CNTN4: variants seen among roughly 807,000 people sequenced by gnomAD.
CNTN4 encodes the protein contactin 4.
Under a neutral mutation model 122.5 loss-of-function variants are expected in CNTN4, and 77 were observed. The observed-to-expected ratio is 0.63, with a 90% CI of 0.52 to 0.76. CNTN4 has a LOEUF of 0.76. Among genes scored for constraint, CNTN4 ranks in the 30% least tolerant of loss-of-function variants. The probability of loss-of-function intolerance (pLI) is 0.00; values close to 1 mark genes in which losing one functional copy is unlikely to be tolerated. For synonymous variants in CNTN4, 512 were observed against 447.0 expected (o/e 1.15, Z -1.83); for missense variants, 1,256 against 1,259.1 (o/e 1.00, Z 0.04).
intron 6 of CNTN4, among the ~76,000 whole-genome samples, chr3:2,801,780 T>C (rs2092354294): frequency 6.6e-6 from 1 of 152,140 alleles, no homozygotes; most frequent in Admixed American, 6.5e-5. Flanking sequence ...TGAAAGTGTT[T>C]TTTTATTCTG....
intron 3 of CNTN4, among the ~76,000 whole-genome samples, chr3:2,448,792 C>T (rs2048720588): frequency 6.6e-6 from 1 of 152,144 alleles, no homozygotes; most frequent in Non-Finnish European, 1.5e-5. Flanking sequence ...GGTGTCCTCA[C>T]CTGTTAACTG....
intron 4 of CNTN4, among the ~76,000 whole-genome samples, chr3:2,705,678 A>G (rs2086649939): frequency 1.1e-5 from 1 of 91,776 alleles, no homozygotes; most frequent in Non-Finnish European, 1.9e-5. Flanking sequence ...TATATATTGT[A>G]TATTATATAT....
intron 3 of CNTN4, among the ~76,000 whole-genome samples, chr3:2,427,363 T>G (rs1252490356): frequency 6.6e-6 from 1 of 152,208 alleles, no homozygotes; most frequent in Non-Finnish European, 1.5e-5. Context: ...TTGCTCAGTT[T>G]CCATGTAGTT....
intron 3 of CNTN4, among the ~76,000 whole-genome samples, chr3:2,392,476 C>T (rs1242960527): frequency 1.3e-5 from 2 of 152,110 alleles, no homozygotes; most frequent in Non-Finnish European, 2.9e-5. Context: ...TCAAGGAGAA[C>T]CTCTGTAGCC....
intron 6 of CNTN4, among the ~76,000 whole-genome samples, chr3:2,760,718 G>T (rs1275562306): frequency 6.6e-6 from 1 of 152,100 alleles, no homozygotes; most frequent in Non-Finnish European, 1.5e-5. Flanking sequence ...TACTGCCTTT[G>T]GATATGTAAT....
At chr3:2,734,192 C>G (rs573829959) in intron 4 of CNTN4, among the ~76,000 whole-genome samples, 1 of 152,226 alleles carries the variant, frequency 6.6e-6, no homozygotes, top group South Asian at 2.1e-4. Context: ...TCCTGAGTAG[C>G]TGGGACTAGA....
At chr3:2,519,146 T>C (rs2077125313) in intron 3 of CNTN4, among the ~76,000 whole-genome samples, 1 of 152,132 alleles carries the variant, frequency 6.6e-6, no homozygotes, top group Non-Finnish European at 1.5e-5. Context: ...GATGTGACAA[T>C]GAAAAGGGAA....
chr3:3,020,637 A>G (rs1246214074), intron 14 of CNTN4, among the ~76,000 whole-genome samples: 1 of 152,134 alleles, frequency 6.6e-6, no homozygotes, highest in Non-Finnish European at 1.5e-5. Context: ...GTGGCAGCCT[A>G]TTTCCCTGTT....
chr3:2,803,781 G>A (rs1416165042), intron 6 of CNTN4, among the ~76,000 whole-genome samples: 5 of 151,770 alleles, frequency 3.3e-5, no homozygotes, highest in Non-Finnish European at 7.4e-5. Context: ...GGTTGGTCTC[G>A]AACTCCTGAC....
intron 2 of CNTN4, among the ~76,000 whole-genome samples, chr3:2,173,182 T>C (rs1015749312): frequency 4.6e-5 from 7 of 152,222 alleles, no homozygotes; most frequent in Non-Finnish European, 8.8e-5. Context: ...AAATATGATT[T>C]TGATGGGCTA....
At chr3:2,372,224 A>G (rs553427466) in intron 3 of CNTN4, among the ~76,000 whole-genome samples, 5 of 152,298 alleles carry the variant, frequency 3.3e-5, no homozygotes, top group Admixed American at 1.3e-4. Flanking sequence ...TATTGAGGAC[A>G]TATGCTTCAG....
At chr3:2,653,557 A>G (rs899687588) in intron 4 of CNTN4, among the ~76,000 whole-genome samples, 4 of 152,236 alleles carry the variant, frequency 2.6e-5, no homozygotes, top group Admixed American at 2.0e-4. Context: ...CATTAAGTCA[A>G]CTAAAGATTG....
intron 6 of CNTN4, among the ~76,000 whole-genome samples, chr3:2,767,691 T>A (rs1421010621): frequency 6.6e-6 from 1 of 152,174 alleles, no homozygotes; most frequent in African/African-American, 2.4e-5. Context: ...AAACAGTGAA[T>A]TCTGATCCCC....
intron 13 of CNTN4, among the ~76,000 whole-genome samples, chr3:2,961,044 C>A (rs1361891407): frequency 8.0e-6 from 1 of 125,304 alleles, no homozygotes; most frequent in Non-Finnish European, 1.8e-5. Context: ...TCCTGGCTAA[C>A]ACGGTGAAAC....
intron 3 of CNTN4, among the ~76,000 whole-genome samples, chr3:2,529,601 AG>A (rs2077523112): frequency 1.3e-5 from 2 of 152,208 alleles, no homozygotes; most frequent in Admixed American, 1.3e-4. Flanking sequence ...AAAATGACAT[AG>A]CCTATCTGTC....
intron 4 of CNTN4, among the ~76,000 whole-genome samples, chr3:2,589,633 T>G (rs185615674): frequency 2.0e-5 from 3 of 152,276 alleles, no homozygotes; most frequent in Admixed American, 2.0e-4. Context: ...GGGTCAGGAA[T>G]TTGGGAGCAG....
chr3:2,995,339 G>A (rs1695438629), intron 14 of CNTN4, among the ~76,000 whole-genome samples: 1 of 152,186 alleles, frequency 6.6e-6, no homozygotes, highest in African/African-American at 2.4e-5. Context: ...CACGTAGATT[G>A]AGCAAATAAC....
chr3:2,561,801 A>G (rs1206837322), intron 3 of CNTN4, among the ~76,000 whole-genome samples: 1 of 152,192 alleles, frequency 6.6e-6, no homozygotes. Flanking sequence ...TCTCATTGCC[A>G]TAGGGAAGCA....
At chr3:2,484,639 A>C (rs558534655) in intron 3 of CNTN4, among the ~76,000 whole-genome samples, 3 of 152,334 alleles carry the variant, frequency 2.0e-5, no homozygotes, top group South Asian at 2.1e-4. Context: ...GGCTGTGTCA[A>C]CGGCTACAAG....
Sources: gnomAD v4.1 joint callset for allele counts (sites outside exome capture counted in the v4.1 genomes callset) on GRCh38, gnomAD v4.1.1 for gene constraint, MANE v1.5 for transcripts, NCBI Gene and HGNC (gene_info 2026-07-23, HGNC 2026-07-21) for gene names.